HTR3B: variants seen among roughly 807,000 people sequenced by gnomAD.
HTR3B encodes 5-hydroxytryptamine receptor 3B, also known as 5-hydroxytryptamine (serotonin) receptor 3B, ionotropic.
HTR3B carries 44 observed loss-of-function variants against 42.8 expected under a neutral mutation model. That is an observed-to-expected ratio of 1.03 (90% confidence interval 0.81 to 1.32). The LOEUF is 1.32. Among genes scored for constraint, HTR3B ranks in the 40% most tolerant of loss-of-function variants. HTR3B has a pLI of 0.00. For missense variants in HTR3B, 527 were observed against 536.5 expected, an observed-to-expected ratio of 0.98 and a Z score of 0.17; for synonymous variants, 203 against 209.0, an observed-to-expected ratio of 0.97 and a Z score of 0.25.
chr11:113,917,431 C>T (rs1406092265), intron 2 of HTR3B, among the ~76,000 whole-genome samples: 1 of 152,068 alleles, frequency 6.6e-6, no homozygotes, highest in Non-Finnish European at 1.5e-5. Context: ...CTGCACCCGG[C>T]CGAAATCTTC....
At chr11:113,923,907 GA>G (rs1949941511) in intron 2 of HTR3B, among the ~76,000 whole-genome samples, 1 of 152,134 alleles carries the variant, frequency 6.6e-6, no homozygotes, top group African/African-American at 2.4e-5. Flanking sequence ...TAAAGTGTTA[GA>G]AAAAAATTCT....
In HTR3B at chr11:113,904,827, C is replaced by T. The variant is rs554349815; in HGVS notation, c.-107C>T. ...AGTAAGGATAGCATCAACTGGCAAA[C>T]GGAGAAGGAGGAGAACAGAGTGGAG... On this transcript the variant is annotated 5_prime_UTR_variant, in exon 1 of 9. It adds an upstream start codon to the 5' untranslated region. Coordinates refer to ENST00000260191, the MANE Select transcript of HTR3B (RefSeq NM_006028.5). 48 of 849,088 alleles carry T rather than the reference C, an allele frequency of 5.7e-5. No homozygotes were observed. The highest frequency in any genetic ancestry group is 1.2e-4 in the African/African-American group (7 of 59,202). 52.6% of individuals were successfully genotyped at this position (849,088 alleles called of 1,614,324 possible). A position where few individuals can be genotyped will look rare whatever the true frequency, so the allele number is the denominator to read the frequency against.
intron 8 of HTR3B, 128 bp from the exon 9 acceptor site, chr11:113,945,774 A>G: frequency 1.5e-6 from 1 of 689,162 alleles, no homozygotes. Context: ...TACCCAACCC[A>G]AACACAACCC....
intron 2 of HTR3B, among the ~76,000 whole-genome samples, chr11:113,922,833 G>A (rs986355850): frequency 3.9e-5 from 6 of 152,190 alleles, no homozygotes; most frequent in African/African-American, 1.4e-4. Context: ...GGGATTATAG[G>A]CGTGAGCTAC....
intron 6 of HTR3B, among the ~76,000 whole-genome samples, chr11:113,940,122 A>T (rs1306887): frequency 2.6e-5 from 4 of 152,030 alleles, no homozygotes; most frequent in Non-Finnish European, 5.9e-5. Context: ...CCTGACCTCA[A>T]GTGATCCACC....
chr11:113,903,578 G>A (rs1012500726), upstream of HTR3B, among the ~76,000 whole-genome samples: 4 of 151,826 alleles, frequency 2.6e-5, no homozygotes, highest in Non-Finnish European at 4.4e-5. Flanking sequence ...ACAGGCATGT[G>A]CCACCACGCC....
At chr11:113,921,605 G>A (rs1309484500) in intron 2 of HTR3B, among the ~76,000 whole-genome samples, 1 of 148,394 alleles carries the variant, frequency 6.7e-6, no homozygotes, top group Non-Finnish European at 1.5e-5. Flanking sequence ...GCGACAGAAT[G>A]AGACTCCGTC....
intron 6 of HTR3B, among the ~76,000 whole-genome samples, chr11:113,940,332 G>C (rs1234270468): frequency 6.6e-6 from 1 of 152,100 alleles, no homozygotes; most frequent in African/African-American, 2.4e-5. Flanking sequence ...CAGCAGGGGT[G>C]GTCACCCCGT....
In HTR3B at chr11:113,932,283, A is replaced by G. The variant is rs770141697; in HGVS notation, c.369-6A>G. On this transcript the variant is annotated splice_polypyrimidine_tract_variant and splice_region_variant and intron_variant, in intron 4 of 8. Coordinates refer to ENST00000260191, the MANE Select transcript of HTR3B (RefSeq NM_006028.5). ...GTGACAACAAGTTCTCTTGTGTTTCATATAGTGTGGACATTGAAAGATACC... is the reference window on the plus strand; with the variant it reads ...GTGACAACAAGTTCTCTTGTGTTTCGTATAGTGTGGACATTGAAAGATACC... The G allele has an allele frequency of 1.4e-5, 23 of 1,607,136 alleles. No individual in the cohort carries two copies. In the South Asian group the frequency reaches 2.2e-4, roughly 15 times the overall value.
chr11:113,899,375 C>T, the HTR3B span, among the ~76,000 whole-genome samples: 1 of 152,184 alleles, frequency 6.6e-6, no homozygotes. Flanking sequence ...TCATATGGGA[C>T]TCTACTCATT....
chr11:113,945,201 C>T (rs1006469323), intron 8 of HTR3B, among the ~76,000 whole-genome samples: 1 of 152,208 alleles, frequency 6.6e-6, no homozygotes, highest in Non-Finnish European at 1.5e-5. Flanking sequence ...GTGGCACAAT[C>T]TCTGCTCACT....
At chr11:113,934,883 G>A (rs1340587552) in intron 6 of HTR3B, among the ~76,000 whole-genome samples, 1 of 152,036 alleles carries the variant, frequency 6.6e-6, no homozygotes, top group Non-Finnish European at 1.5e-5. Flanking sequence ...AAAGGGAAAT[G>A]TGAAGGAGTA....
At position 113,904,838 on chromosome 11, in the gene HTR3B, G is replaced by A; in HGVS notation, c.-96G>A. 1 of 945,434 alleles carries A rather than the reference G, an allele frequency of 1.1e-6. No individual in the cohort carries two copies. Among genetic ancestry groups the A allele is most frequent in the Non-Finnish European group, 1.7e-6 (1 of 575,332 alleles). The allele number at this position is 945,434 out of a possible 1,614,324, so 58.6% of individuals were successfully genotyped here. On this transcript the variant is annotated 5_prime_UTR_variant, in exon 1 of 9. Coordinates refer to ENST00000260191, the MANE Select transcript of HTR3B (RefSeq NM_006028.5). ...CATCAACTGGCAAACGGAGAAGGAG[G>A]AGAACAGAGTGGAGAGGAACCCTGT...
chr11:113,947,262 C>G lies in HTR3B; in HGVS notation c.*1125C>G, dbSNP rs1950187700. On this transcript the variant is annotated 3_prime_UTR_variant, in exon 9 of 9. Transcript: ENST00000260191. Reference sequence around the variant, plus strand: ...GGAACTACAGGTGCATGCCACCACACCCAGCTAATTTTCTGTATTTTAGTA... The same window carrying G: ...GGAACTACAGGTGCATGCCACCACAGCCAGCTAATTTTCTGTATTTTAGTA... Among the ~76,000 whole-genome samples the G allele has an allele frequency of 6.6e-6, 1 of 152,056 alleles. No homozygotes were observed. Among genetic ancestry groups the G allele is most frequent in the Non-Finnish European group, 1.5e-5 (1 of 68,008 alleles).
intron 2 of HTR3B, among the ~76,000 whole-genome samples, chr11:113,910,095 T>C (rs1949773568): frequency 6.6e-6 from 1 of 151,990 alleles, no homozygotes; most frequent in African/African-American, 2.4e-5. Flanking sequence ...ATGGTTCACA[T>C]TTATTATGAT....
intron 2 of HTR3B, among the ~76,000 whole-genome samples, chr11:113,914,354 C>T (rs1288832080): frequency 1.3e-5 from 2 of 151,200 alleles, no homozygotes; most frequent in African/African-American, 2.4e-5. Context: ...ATCCCAGCTA[C>T]TCAGGAGGCT....
intron 6 of HTR3B, among the ~76,000 whole-genome samples, chr11:113,936,484 A>G (rs1025843633): frequency 6.6e-6 from 1 of 152,132 alleles, no homozygotes; most frequent in African/African-American, 2.4e-5. Flanking sequence ...TGAGATACTT[A>G]TTGAATGCAG....
At chr11:113,923,810 C>CA (rs1248307713) in intron 2 of HTR3B, among the ~76,000 whole-genome samples, 2 of 152,026 alleles carry the variant, frequency 1.3e-5, no homozygotes, top group African/African-American at 4.8e-5. Flanking sequence ...TTTCCTTTGA[C>CA]AAAAAAAGAT....
chr11:113,944,896 A>G, intron 8 of HTR3B, 141 bp downstream of exon 8: 2 of 678,716 alleles, frequency 2.9e-6, no homozygotes, highest in East Asian at 2.7e-5. Context: ...GTGGCATTTT[A>G]TATTATCTCT....
Sources: gnomAD v4.1 joint callset for allele counts (sites outside exome capture counted in the v4.1 genomes callset) on GRCh38, gnomAD v4.1.1 for gene constraint, MANE v1.5 for transcripts, NCBI Gene and HGNC (gene_info 2026-07-23, HGNC 2026-07-21) for gene names.